Variants in RANBP2 observed in about 807,000 individuals in gnomAD.
RANBP2 encodes E3 SUMO-protein ligase RanBP2.
In RANBP2, 57 loss-of-function variants were observed where a neutral mutation model predicts 303.6. That is an observed-to-expected ratio of 0.19 (90% confidence interval 0.15 to 0.23). RANBP2 has a LOEUF of 0.23. Among genes scored for constraint, RANBP2 ranks in the 10% least tolerant of loss-of-function variants. RANBP2 has a pLI of 1.00. For missense variants in RANBP2, 3,138 were observed against 3,780.8 expected, an observed-to-expected ratio of 0.83 and a Z score of 4.46; for synonymous variants, 1,167 against 1,301.5, an observed-to-expected ratio of 0.90 and a Z score of 2.23.
At chr2:109,088,632 C>G in the RANBP2 span, among the ~76,000 whole-genome samples, 1 of 152,034 alleles carries the variant, frequency 6.6e-6, no homozygotes, top group Non-Finnish European at 1.5e-5. Flanking sequence ...ACGCCTCAGC[C>G]TCCCAAGTAG....
the RANBP2 span, among the ~76,000 whole-genome samples, chr2:108,821,826 T>A: frequency 7.0e-3 from 1,046 of 149,822 alleles, 9 homozygotes; most frequent in Non-Finnish European, 0.012. Context: ...GTGCCTATAA[T>A]CCCAGCTACT....
the RANBP2 span, among the ~76,000 whole-genome samples, chr2:109,016,364 G>A: frequency 1.8e-4 from 27 of 152,258 alleles, no homozygotes; most frequent in African/African-American, 6.3e-4. Context: ...TGGGATTACA[G>A]GCGTGAGCCA....
At chr2:109,109,258 T>C in the RANBP2 span, among the ~76,000 whole-genome samples, 2 of 152,246 alleles carry the variant, frequency 1.3e-5, no homozygotes, top group African/African-American at 4.8e-5. Flanking sequence ...AAGTTCATTG[T>C]TTTGTCAATG....
In RANBP2 at chr2:108,719,548, C is replaced by G. The variant is rs552611730; in HGVS notation, c.-59C>G. Reference sequence around the variant, plus strand: ...GCAGGCGCTTTCCTCTTGGAAGTGGCGACTGCTGCGGGCCTGAGCGCTGGT... The same window carrying G: ...GCAGGCGCTTTCCTCTTGGAAGTGGGGACTGCTGCGGGCCTGAGCGCTGGT... On this transcript the variant is annotated 5_prime_UTR_variant, in exon 1 of 29. Coordinates refer to ENST00000283195, the MANE Select transcript of RANBP2 (RefSeq NM_006267.5). 3 of 1,563,580 alleles carry G rather than the reference C, an allele frequency of 1.9e-6. No homozygotes were observed. The highest frequency in any genetic ancestry group is 3.8e-5 in the Admixed American group (2 of 52,006).
At chr2:109,742,251 G>A in the RANBP2 span, among the ~76,000 whole-genome samples, 32,107 of 83,260 alleles carry the variant, frequency 0.39, 7,244 homozygotes, top group African/African-American at 0.56. Context: ...GTGAAATCCC[G>A]TCTCTACGAA....
chr2:109,339,957 G>T, the RANBP2 span, among the ~76,000 whole-genome samples: 1 of 152,330 alleles, frequency 6.6e-6, no homozygotes, highest in South Asian at 2.1e-4. Flanking sequence ...GTGGTTGGAA[G>T]CTGGTTGCCC....
the RANBP2 span, among the ~76,000 whole-genome samples, chr2:109,026,156 T>C: frequency 6.6e-6 from 1 of 152,052 alleles, no homozygotes; most frequent in Non-Finnish European, 1.5e-5. Context: ...TTTTGTTTAT[T>C]CTAGAGAAAG....
At chr2:109,615,701 C>A in the RANBP2 span, 6 of 1,613,916 alleles carry the variant, frequency 3.7e-6, no homozygotes, top group East Asian at 8.9e-5. Flanking sequence ...ACGGGGAAAG[C>A]GCCGCGGGTA....
chr2:109,222,802 C>A, the RANBP2 span, among the ~76,000 whole-genome samples: 96 of 152,372 alleles, frequency 6.3e-4, 2 homozygotes, highest in South Asian at 0.012. Context: ...AAAGACAAAA[C>A]AAAACACAGG....
the RANBP2 span, among the ~76,000 whole-genome samples, chr2:109,209,420 C>A: frequency 3.6e-4 from 55 of 152,266 alleles, no homozygotes; most frequent in African/African-American, 1.3e-3. Flanking sequence ...TGTAAACACT[C>A]CCACCTGGCC....
chr2:109,227,695 T>TCA, the RANBP2 span, among the ~76,000 whole-genome samples: 1 of 152,196 alleles, frequency 6.6e-6, no homozygotes, highest in Non-Finnish European at 1.5e-5. Context: ...TCCCTGCAGG[T>TCA]CACAGGATCC....
At chr2:109,222,392 C>G in the RANBP2 span, among the ~76,000 whole-genome samples, 1 of 152,154 alleles carries the variant, frequency 6.6e-6, no homozygotes, top group African/African-American at 2.4e-5. Flanking sequence ...GATGGATATG[C>G]TAGTTACCCT....
chr2:109,018,236 G>A, the RANBP2 span, among the ~76,000 whole-genome samples: 1 of 152,166 alleles, frequency 6.6e-6, no homozygotes, highest in East Asian at 1.9e-4. Context: ...ATAAGGAGAA[G>A]GTAACTTTCA....
the RANBP2 span, chr2:109,613,537 C>T: frequency 4.1e-6 from 1 of 244,562 alleles, no homozygotes; most frequent in African/African-American, 2.3e-5. Flanking sequence ...ACCGGGAAGT[C>T]GTTCAAGAAC....
At chr2:109,129,389 C>G in the RANBP2 span, 2 of 1,331,282 alleles carry the variant, frequency 1.5e-6, no homozygotes, top group Non-Finnish European at 2.0e-6. Context: ...CCACTTCGCA[C>G]CGCCACAGCC....
chr2:108,868,892 A>G, the RANBP2 span, among the ~76,000 whole-genome samples: 30 of 152,166 alleles, frequency 2.0e-4, no homozygotes, highest in South Asian at 1.2e-3. Flanking sequence ...TGAAGTGCCT[A>G]CCTTTTGTGA....
At chr2:109,687,427 T>C in the RANBP2 span, among the ~76,000 whole-genome samples, 2 of 152,156 alleles carry the variant, frequency 1.3e-5, no homozygotes, top group Admixed American at 6.5e-5. Context: ...CCAGCTCCTC[T>C]CTGAGGAGCC....
chr2:108,937,615 TGTGA>T, the RANBP2 span, among the ~76,000 whole-genome samples: 28 of 81,422 alleles, frequency 3.4e-4, no homozygotes, highest in South Asian at 2.3e-3. Flanking sequence ...TGTATATGTG[TGTGA>T]GTGTCTGTAT....
chr2:109,005,936 A>G, the RANBP2 span, among the ~76,000 whole-genome samples: 2 of 152,114 alleles, frequency 1.3e-5, no homozygotes, highest in Non-Finnish European at 2.9e-5. Flanking sequence ...GGAGTCGTGG[A>G]GCTGCCCATG....
Sources: allele counts gnomAD v4.1 joint callset (sites outside exome capture counted in the v4.1 genomes callset), GRCh38; gene constraint gnomAD v4.1.1; transcripts MANE v1.5; gene names NCBI Gene and HGNC (gene_info 2026-07-23, HGNC 2026-07-21).